SPTAN1: variants seen among roughly 807,000 people sequenced by gnomAD.
SPTAN1 encodes spectrin alpha chain, non-erythrocytic 1.
In SPTAN1, 61 loss-of-function variants were observed where a neutral mutation model predicts 331.3. The ratio of observed to expected loss-of-function variants is 0.18; its 90% CI spans 0.15 to 0.23. SPTAN1 has a LOEUF of 0.23. SPTAN1 is among the 10% of genes least tolerant of loss of function. SPTAN1 has a pLI of 1.00. For synonymous variants in SPTAN1, 1,153 were observed against 1,173.9 expected (o/e 0.98, Z 0.36); for missense variants, 2,043 against 3,147.9 (o/e 0.65, Z 8.40).
chr9:128,611,026 G>T (rs1206149982), intron 37 of SPTAN1, among the ~76,000 whole-genome samples: 1 of 152,188 alleles, frequency 6.6e-6, no homozygotes, highest in Non-Finnish European at 1.5e-5. Context: ...ATTCATTACA[G>T]CCTGTCTCCA....
chr9:128,565,612 C>T (rs927199960), intron 1 of SPTAN1, among the ~76,000 whole-genome samples: 10 of 152,214 alleles, frequency 6.6e-5, no homozygotes, highest in African/African-American at 2.4e-4. Context: ...CTGACATCAG[C>T]CATCTCCTTC....
chr9:128,569,053 TTG>T (rs1217609615), intron 3 of SPTAN1, among the ~76,000 whole-genome samples, 156 bp downstream of exon 3: 4 of 152,204 alleles, frequency 2.6e-5, no homozygotes, highest in African/African-American at 9.7e-5. Context: ...AATCCTGCCT[TTG>T]TAATATGACA....
intron 18 of SPTAN1, 145 bp from the exon 19 acceptor site, chr9:128,585,603 T>C: frequency 1.3e-6 from 1 of 740,782 alleles, no homozygotes; most frequent in Non-Finnish European, 2.4e-6. Context: ...CCTGAGCCTC[T>C]CAAAAAAAAT....
At chr9:128,624,518 C>T in intron 46 of SPTAN1, 31 bp downstream of exon 46, 1 of 1,610,322 alleles carries the variant, frequency 6.2e-7, no homozygotes, top group Non-Finnish European at 8.5e-7. Context: ...CCGGAAGAGC[C>T]TTCCCAGAGC....
At position 128,574,696 on chromosome 9, in the gene SPTAN1, C is replaced by T. The variant is rs964919191; in HGVS notation, c.385C>T (p.Arg129Cys). ...TIRTRLMELH[R>C]QWELLLEKMR... Reference sequence around the variant, plus strand: ...TCAGACCCGTTTGATGGAGCTGCACCGCCAGTGGGAATTACTTTTGGAGAA... The same window carrying T: ...TCAGACCCGTTTGATGGAGCTGCACTGCCAGTGGGAATTACTTTTGGAGAA... The change falls in exon 4 of 57, where the codon CGC (arginine) becomes TGC (cysteine). Residue 129 changes from arginine (R) to cysteine (C), a missense_variant. Arg to Cys is a radical substitution (Grantham distance 180, BLOSUM62 -3). Around this residue, in one of 12 missense-constraint regions of SPTAN1, gnomAD observed 1,038 missense variants for 1,531.5 expected, o/e 0.68. Coordinates refer to ENST00000372739, the MANE Select transcript of SPTAN1 (RefSeq NM_001130438.3). 6 of 1,614,014 alleles carry T rather than the reference C, an allele frequency of 3.7e-6. No homozygotes were observed. Among genetic ancestry groups the T allele is most frequent in the Non-Finnish European group, 5.1e-6 (6 of 1,180,032 alleles).
intron 25 of SPTAN1, 30 bp downstream of exon 25, chr9:128,598,534 T>C: frequency 6.6e-7 from 1 of 1,519,898 alleles, no homozygotes; most frequent in South Asian, 1.2e-5. Flanking sequence ...AGTGAGGCTC[T>C]GTTGCTGTAA....
rs1856091506 is a variant in SPTAN1, at chr9:128,607,861, A to G, written c.4156A>G (p.Thr1386Ala). The G allele has an allele frequency of 6.2e-7, 1 of 1,613,882 alleles. No homozygotes were observed. The highest frequency in any genetic ancestry group is 8.5e-7 in the Non-Finnish European group (1 of 1,180,008). The stretch of plus-strand genomic sequence containing the variant: ...TCCCTCCTTTTGGCAGGAACACCGG[A>G]CAGAAATCGATGCCAGGGCTGGCAC... ...ALLERHQEHR[T>A]EIDARAGTFQ... is the part of the protein sequence containing the mutation. Residue 1386 changes from threonine (T) to alanine (A), a missense_variant, in exon 33 of 57, where the codon ACA (threonine) becomes GCA (alanine). Thr to Ala is a moderately conservative substitution (Grantham distance 58). Around this residue, in one of 12 missense-constraint regions of SPTAN1, gnomAD observed 179 missense variants for 215.7 expected, o/e 0.83. Transcript: ENST00000372739.
At chr9:128,593,186 T>C (rs1168334401) in intron 23 of SPTAN1, 144 bp downstream of exon 23, 1 of 898,574 alleles carries the variant, frequency 1.1e-6, no homozygotes, top group African/African-American at 1.6e-5. Context: ...CAGCTTTGGC[T>C]CACAAGGGAA....
At chr9:128,584,106 T>A in intron 16 of SPTAN1, 137 bp downstream of exon 16, 3 of 1,433,242 alleles carry the variant, frequency 2.1e-6, no homozygotes, top group Non-Finnish European at 2.9e-6. Flanking sequence ...CTGTGCTGCA[T>A]GTGCTTCTGC....
intron 52 of SPTAN1, among the ~76,000 whole-genome samples, chr9:128,630,920 G>A (rs1401615365): frequency 6.6e-6 from 1 of 152,166 alleles, no homozygotes; most frequent in Non-Finnish European, 1.5e-5. Context: ...GGCCAGGCAG[G>A]CTGGTCTCGA....
chr9:128,559,936 T>C (rs1204478103), intron 1 of SPTAN1, among the ~76,000 whole-genome samples: 1 of 151,932 alleles, frequency 6.6e-6, no homozygotes, highest in African/African-American at 2.4e-5. Context: ...GGTTTCACCA[T>C]GTTGGCCAGG....
At chr9:128,622,213 C>T (rs1321544754) in intron 45 of SPTAN1, 1 of 152,158 alleles carries the variant, frequency 6.6e-6, no homozygotes, top group Non-Finnish European at 1.5e-5. Context: ...CTGACACACA[C>T]CCAGACAACA....
intron 45 of SPTAN1, among the ~76,000 whole-genome samples, chr9:128,622,731 A>G (rs748161340): frequency 1.2e-4 from 18 of 150,522 alleles, no homozygotes; most frequent in African/African-American, 4.5e-4. Flanking sequence ...TGTGACTTGT[A>G]GTATGGTTTA....
chr9:128,626,286 G>A (rs1216181285), intron 48 of SPTAN1, 105 bp from the exon 49 acceptor site: 5 of 1,381,824 alleles, frequency 3.6e-6, no homozygotes, highest in Non-Finnish European at 5.1e-6. Context: ...CCAGCAGGCT[G>A]TGTGCGCCTC....
chr9:128,567,025 G>A, intron 2 of SPTAN1, 48 bp downstream of exon 2: 1 of 1,612,080 alleles, frequency 6.2e-7, no homozygotes, highest in Non-Finnish European at 8.5e-7. Flanking sequence ...GAGCCCAAAT[G>A]TTCTTACCCA....
rs1860155488 is a variant in SPTAN1, at chr9:128,633,397, CCT to C, written c.*66_*67del. ...TGCGTCGCCTTGCTGCATGTCCGCT[CCT>C]CTGTGTGCTCTCACTTTCCACTGTA... On this transcript the variant is annotated 3_prime_UTR_variant, in exon 57 of 57. Coordinates refer to ENST00000372739, the MANE Select transcript of SPTAN1 (RefSeq NM_001130438.3). 4 of 1,609,752 alleles carry C rather than the reference CCT, an allele frequency of 2.5e-6. No individual in the cohort carries two copies. The highest frequency in any genetic ancestry group is 2.2e-5 in the East Asian group (1 of 44,884).
chr9:128,626,247 G>A, intron 48 of SPTAN1, 144 bp from the exon 49 acceptor site: 1 of 1,110,946 alleles, frequency 9.0e-7, no homozygotes, highest in African/African-American at 1.5e-5. Flanking sequence ...AGGGGGAGCA[G>A]GAGACAGGAG....
In SPTAN1 at chr9:128,630,425, C is replaced by T. The variant is rs116763351; in HGVS notation, c.6762+50C>T. Reference sequence around the variant, plus strand: ...CAGCAGAGACCCTTCACCCAGCCACCCCCCAGGGTACCCCTTCCCTTCCTG... The same window carrying T: ...CAGCAGAGACCCTTCACCCAGCCACTCCCCAGGGTACCCCTTCCCTTCCTG... On this transcript the variant is annotated intron_variant, in intron 52 of 56. Coordinates refer to ENST00000372739, the MANE Select transcript of SPTAN1 (RefSeq NM_001130438.3). The T allele has an allele frequency of 2.8e-4, 439 of 1,587,818 alleles. No individual in the cohort carries two copies. The African/African-American group carries it at 5.0e-3, about 18-fold the overall frequency.
chr9:128,632,088 G>A (rs1161759578), intron 52 of SPTAN1, 39 bp from the exon 53 acceptor site: 3 of 1,604,524 alleles, frequency 1.9e-6, no homozygotes, highest in Admixed American at 3.4e-5. Context: ...ACTGAGCTGA[G>A]GGCCCCCGTC....
Sources: gnomAD v4.1 joint callset for allele counts (sites outside exome capture counted in the v4.1 genomes callset) on GRCh38, gnomAD v4.1.1 for gene constraint, gnomAD v4.1.1 regional missense constraint, MANE v1.5 for transcripts, NCBI Gene and HGNC (gene_info 2026-07-23, HGNC 2026-07-21) for gene names.